The following ARMC2 variants were observed in gnomAD, a reference collection of about 807,000 sequenced individuals.
ARMC2 encodes the protein armadillo repeat-containing protein 2.
ARMC2 carries 67 observed loss-of-function variants against 90.3 expected under a neutral mutation model. The ratio of observed to expected loss-of-function variants is 0.74; its 90% CI spans 0.61 to 0.91. The LOEUF (loss-of-function observed/expected upper bound fraction) is 0.91. Among genes scored for constraint, ARMC2 ranks in the 40% least tolerant of loss-of-function variants. The pLI is 0.00. For synonymous variants in ARMC2, 393 were observed against 393.0 expected, an observed-to-expected ratio of 1.00 and a Z score of 0.00; for missense variants, 920 against 1,030.9, an observed-to-expected ratio of 0.89 and a Z score of 1.47.
intron 3 of ARMC2, among the ~76,000 whole-genome samples, chr6:108,867,524 T>C (rs531632775): frequency 1.3e-5 from 2 of 152,178 alleles, no homozygotes; most frequent in African/African-American, 2.4e-5. Flanking sequence ...CCCAGCACTT[T>C]GGGAGGCCAA....
the ARMC2 span, among the ~76,000 whole-genome samples, chr6:108,994,860 G>A: frequency 3.2e-4 from 49 of 151,872 alleles, no homozygotes; most frequent in Non-Finnish European, 6.9e-4. Context: ...CTGCCACCAT[G>A]CCCGGCTAAT....
At chr6:108,912,584 G>C (rs1196324992) in intron 10 of ARMC2, 26 bp downstream of exon 10, 1 of 1,575,580 alleles carries the variant, frequency 6.3e-7, no homozygotes, top group South Asian at 1.1e-5. Flanking sequence ...GAAAACGTTA[G>C]ATGTGTAAAA....
At chr6:108,913,637 C>T (rs1773653308) in intron 10 of ARMC2, among the ~76,000 whole-genome samples, 3 of 152,116 alleles carry the variant, frequency 2.0e-5, no homozygotes, top group Admixed American at 6.5e-5. Context: ...AAATCACCTG[C>T]AATTTTTTCA....
chr6:108,922,854 C>G (rs933346001), intron 10 of ARMC2: 2 of 152,188 alleles, frequency 1.3e-5, no homozygotes, highest in Non-Finnish European at 2.9e-5. Context: ...AGTCATTTTT[C>G]AGTAGTAGAT....
chr6:108,971,014 G>T (rs75835939), intron 17 of ARMC2, among the ~76,000 whole-genome samples: 1 of 152,016 alleles, frequency 6.6e-6, no homozygotes, highest in Admixed American at 6.6e-5. Flanking sequence ...CCTGAGGTCA[G>T]GAGTTCGAGA....
At chr6:108,974,983 G>A (rs1055601532), downstream of ARMC2, among the ~76,000 whole-genome samples, 1 of 151,992 alleles carries the variant, frequency 6.6e-6, no homozygotes, top group South Asian at 2.1e-4. Flanking sequence ...GCTGAGGCAC[G>A]AGAATCTTTC....
intron 3 of ARMC2, among the ~76,000 whole-genome samples, chr6:108,866,474 C>A (rs1479739836): frequency 6.6e-6 from 1 of 152,196 alleles, no homozygotes; most frequent in Admixed American, 6.5e-5. Flanking sequence ...GAGGCTAGGG[C>A]CTTGACTATG....
At chr6:108,865,841 G>T (rs1775757895) in intron 3 of ARMC2, among the ~76,000 whole-genome samples, 1 of 152,016 alleles carries the variant, frequency 6.6e-6, no homozygotes, top group South Asian at 2.1e-4. Flanking sequence ...CACATAGGGA[G>T]ACCCTGTCTC....
the ARMC2 span, among the ~76,000 whole-genome samples, chr6:109,046,101 C>G: frequency 8.3e-6 from 1 of 120,066 alleles, no homozygotes; most frequent in East Asian, 2.1e-4. Context: ...GTAGCTCTAG[C>G]CCTCTCCCTC....
At chr6:108,862,984 C>T (rs961962663) in intron 3 of ARMC2, among the ~76,000 whole-genome samples, 3 of 152,292 alleles carry the variant, frequency 2.0e-5, no homozygotes, top group South Asian at 2.1e-4. Context: ...CACCCTCCAG[C>T]GGGCAATGGG....
At chr6:108,988,594 A>C in the ARMC2 span, 4 of 1,613,418 alleles carry the variant, frequency 2.5e-6, no homozygotes. Flanking sequence ...TTCTTTTGGT[A>C]ACCTTTTCAG....
At chr6:108,920,159 A>G (rs2806379) in intron 10 of ARMC2, among the ~76,000 whole-genome samples, 117,585 of 151,744 alleles carry the variant, frequency 0.77, 45,928 homozygotes, top group South Asian at 0.85. Context: ...TGATCACTAC[A>G]CTGGCTAATT....
At chr6:108,888,647 T>C (rs1770627183) in intron 5 of ARMC2, among the ~76,000 whole-genome samples, 1 of 152,248 alleles carries the variant, frequency 6.6e-6, no homozygotes, top group South Asian at 2.1e-4. Context: ...CTTTTCTTGA[T>C]GCCTCTCTTC....
intron 4 of ARMC2, 99 bp downstream of exon 4, chr6:108,869,094 A>G: frequency 1.0e-5 from 13 of 1,277,706 alleles, no homozygotes; most frequent in Non-Finnish European, 1.4e-5. Flanking sequence ...ACCCTGGATG[A>G]TTTTTATATT....
chr6:109,001,131 G>C, the ARMC2 span, among the ~76,000 whole-genome samples: 1 of 152,030 alleles, frequency 6.6e-6, no homozygotes, highest in African/African-American at 2.4e-5. Flanking sequence ...ACTTGAGAGC[G>C]TACTTATTTA....
chr6:108,965,859 C>T (rs1778327586), intron 17 of ARMC2, among the ~76,000 whole-genome samples: 1 of 150,742 alleles, frequency 6.6e-6, no homozygotes, highest in African/African-American at 2.4e-5. Context: ...TGCTATGTTA[C>T]CCAGGCTGGT....
chr6:108,954,717 A>G (rs749449483), intron 13 of ARMC2, among the ~76,000 whole-genome samples: 2 of 152,180 alleles, frequency 1.3e-5, no homozygotes, highest in Non-Finnish European at 2.9e-5. Context: ...GTTTTGGAGG[A>G]GCAATCTGTG....
At chr6:108,992,084 A>C in the ARMC2 span, among the ~76,000 whole-genome samples, 3 of 151,970 alleles carry the variant, frequency 2.0e-5, no homozygotes, top group African/African-American at 7.3e-5. Flanking sequence ...CCTTGTGCCT[A>C]AATTTTGCCC....
intron 8 of ARMC2, among the ~76,000 whole-genome samples, chr6:108,905,745 T>C (rs1244664179): frequency 6.6e-6 from 1 of 152,208 alleles, no homozygotes; most frequent in Non-Finnish European, 1.5e-5. Flanking sequence ...ACTAAACATA[T>C]GATTAGATAA....
Sources: gnomAD v4.1 joint callset for allele counts (sites outside exome capture counted in the v4.1 genomes callset) on GRCh38, gnomAD v4.1.1 for gene constraint, MANE v1.5 for transcripts, NCBI Gene and HGNC (gene_info 2026-07-23, HGNC 2026-07-21) for gene names.